ATP8A1: variants seen among roughly 807,000 people sequenced by gnomAD.
ATP8A1 encodes ATPase phospholipid transporting 8A1, also known as phospholipid-transporting ATPase IA.
Under a neutral mutation model 177.7 loss-of-function variants are expected in ATP8A1, and 90 were observed. The observed-to-expected ratio is 0.51, with a 90% CI of 0.43 to 0.60. The LOEUF is 0.60. Ranked by LOEUF, ATP8A1 falls within the 20% of genes least tolerant of loss-of-function variation. ATP8A1 has a pLI of 0.00. For synonymous variants in ATP8A1, 493 were observed against 485.9 expected (o/e 1.01, Z -0.19); for missense variants, 1,072 against 1,392.8 (o/e 0.77, Z 3.67).
At chr4:42,635,014 C>T (rs936430313) in intron 1 of ATP8A1, among the ~76,000 whole-genome samples, 6 of 152,110 alleles carry the variant, frequency 3.9e-5, no homozygotes, top group South Asian at 4.1e-4. Flanking sequence ...ATACTTGATA[C>T]GGGAAAACTA....
chr4:42,646,903 C>G (rs1279302480), intron 1 of ATP8A1, among the ~76,000 whole-genome samples: 1 of 152,184 alleles, frequency 6.6e-6, no homozygotes, highest in Non-Finnish European at 1.5e-5. Context: ...CCCTTTAGCA[C>G]AAGTGATGGT....
chr4:42,539,141 T>A (rs1728129951), intron 20 of ATP8A1, among the ~76,000 whole-genome samples: 1 of 151,946 alleles, frequency 6.6e-6, no homozygotes, highest in South Asian at 2.1e-4. Flanking sequence ...TTATTCTAAG[T>A]GAAGTAACTC....
At chr4:42,547,969 T>G (rs779289581) in intron 19 of ATP8A1, among the ~76,000 whole-genome samples, 2 of 152,146 alleles carry the variant, frequency 1.3e-5, no homozygotes, top group African/African-American at 2.4e-5. Context: ...CTGTGAATGG[T>G]CACGCAGTCT....
chr4:42,559,752 T>C (rs927575825), intron 15 of ATP8A1, among the ~76,000 whole-genome samples: 1 of 152,174 alleles, frequency 6.6e-6, no homozygotes, highest in Non-Finnish European at 1.5e-5. Context: ...CTTGGCTCAC[T>C]TGGAGTGCAG....
chr4:42,476,574 G>C (rs546947249), intron 25 of ATP8A1, among the ~76,000 whole-genome samples: 1 of 151,432 alleles, frequency 6.6e-6, no homozygotes, highest in Admixed American at 6.6e-5. Flanking sequence ...AGCTGAGATC[G>C]TGCCATCGCA....
At chr4:42,471,914 ACCTCAAGG>A in intron 25 of ATP8A1, 1 of 647,010 alleles carries the variant, frequency 1.5e-6, no homozygotes, top group Admixed American at 1.9e-5. Context: ...ATAAACTCGG[ACCTCAAGG>A]CTCAGCTCAG....
rs371178484 is a variant in ATP8A1 at position 42,656,792 on chromosome 4, C to T, written c.49+33G>A. On this transcript the variant is annotated intron_variant, in intron 1 of 36. Coordinates refer to ENST00000381668, the MANE Select transcript of ATP8A1 (RefSeq NM_006095.2). ...TCACACACACACTCGCTTCCCGACC[C>T]CGGGCTAGCCCCGAGCCTCGGCGGC... is the stretch of plus-strand genomic sequence containing the variant. 1.6e-4 allele frequency: 244 copies of T among 1,531,286 alleles called. 1 individual carries two copies. In the South Asian group the frequency reaches 2.0e-3, roughly 13 times the overall value. 94.9% of individuals were successfully genotyped at this position (1,531,286 alleles called of 1,614,324 possible). A position where few individuals can be genotyped will look rare whatever the true frequency, so the allele number is the denominator to read the frequency against.
At chr4:42,482,006 G>C (rs1352970534) in intron 25 of ATP8A1, among the ~76,000 whole-genome samples, 2 of 152,118 alleles carry the variant, frequency 1.3e-5, no homozygotes, top group South Asian at 4.1e-4. Flanking sequence ...CAGTATCTAT[G>C]AAAGAACAGT....
At chr4:42,639,455 A>G (rs137893446) in intron 1 of ATP8A1, among the ~76,000 whole-genome samples, 1 of 152,332 alleles carries the variant, frequency 6.6e-6, no homozygotes, top group African/African-American at 2.4e-5. Flanking sequence ...CTCAGCTCCA[A>G]CATCTACTTT....
Position 42,558,030 on chromosome 4 carries a change from TCAAAAACAAAAA to T in ATP8A1, c.1341-2002_1341-1991del, listed in dbSNP as rs10700559. 1.1e-3 allele frequency among the ~76,000 whole-genome samples: 166 copies of T among 150,606 alleles called. 1 individual carries two copies. The South Asian group carries it at 0.016, about 15-fold the overall frequency. On this transcript the variant is annotated intron_variant, in intron 15 of 36. Transcript: ENST00000381668. Reference sequence around the variant, plus strand: ...CTGGGTAACAGAGCAAGACTACATCTCAAAAACAAAAACAAAAACAAAAACAAAAACAAAAAA... The same window carrying T: ...CTGGGTAACAGAGCAAGACTACATCTCAAAAACAAAAACAAAAACAAAAAA...
intron 33 of ATP8A1, among the ~76,000 whole-genome samples, chr4:42,436,017 T>C (rs574786254): frequency 3.9e-5 from 6 of 152,300 alleles, no homozygotes; most frequent in African/African-American, 1.4e-4. Context: ...CCCAATTAAC[T>C]TGGTATTGAG....
intron 33 of ATP8A1, among the ~76,000 whole-genome samples, chr4:42,432,263 C>T (rs1715392569): frequency 1.3e-5 from 2 of 152,118 alleles, no homozygotes. Flanking sequence ...ATTTTTACAG[C>T]AAAGATACTC....
intron 2 of ATP8A1, chr4:42,626,004 T>C (rs1306737434): frequency 2.5e-5 from 5 of 198,390 alleles, no homozygotes; most frequent in South Asian, 1.3e-4. Flanking sequence ...AGAGCAACTT[T>C]GGAGTTAAAG....
At chr4:42,619,100 A>C (rs1365454485) in intron 4 of ATP8A1, among the ~76,000 whole-genome samples, 1 of 151,448 alleles carries the variant, frequency 6.6e-6, no homozygotes, top group Admixed American at 6.6e-5. Context: ...TCCAGGCTGG[A>C]GTGCCGTAGT....
intron 23 of ATP8A1, among the ~76,000 whole-genome samples, chr4:42,504,188 AT>A (rs1724132131): frequency 6.6e-6 from 1 of 152,172 alleles, no homozygotes; most frequent in South Asian, 2.1e-4. Context: ...GATTTCATGT[AT>A]CATCTAAATG....
chr4:42,514,220 G>C (rs961935225), intron 22 of ATP8A1, among the ~76,000 whole-genome samples: 1 of 152,162 alleles, frequency 6.6e-6, no homozygotes, highest in East Asian at 1.9e-4. Flanking sequence ...ACAAAGCCAA[G>C]GGCTTAGTTA....
intron 29 of ATP8A1, among the ~76,000 whole-genome samples, chr4:42,453,804 G>C (rs764163362): frequency 1.6e-4 from 25 of 152,164 alleles, no homozygotes; most frequent in Non-Finnish European, 2.8e-4. Context: ...ATTATTGTTA[G>C]TATACCAACC....
chr4:42,610,410 T>C (rs550287935), intron 5 of ATP8A1, among the ~76,000 whole-genome samples: 40 of 152,180 alleles, frequency 2.6e-4, no homozygotes, highest in African/African-American at 9.6e-4. Context: ...AGAGAAAAAT[T>C]CCCATGAAAG....
intron 30 of ATP8A1, among the ~76,000 whole-genome samples, chr4:42,449,823 C>G (rs1717741084): frequency 6.6e-6 from 1 of 152,162 alleles, no homozygotes; most frequent in African/African-American, 2.4e-5. Context: ...GATCTAGGAA[C>G]TGCTTCTCTG....
Sources: allele counts gnomAD v4.1 joint callset (sites outside exome capture counted in the v4.1 genomes callset), GRCh38; gene constraint gnomAD v4.1.1; transcripts MANE v1.5; gene names NCBI Gene and HGNC (gene_info 2026-07-23, HGNC 2026-07-21).